The following REPIN1 variants were observed in gnomAD, a reference collection of about 807,000 sequenced individuals.
REPIN1 encodes replication initiator 1.
In REPIN1, 4 loss-of-function variants were observed where a neutral mutation model predicts 5.7. The ratio of observed to expected loss-of-function variants is 0.71; its 90% CI spans 0.35 to 1.62. The LOEUF (loss-of-function observed/expected upper bound fraction) is 1.62, where lower values mean the gene tolerates loss of function less well. Ranked by LOEUF, REPIN1 falls within the 40% of genes most tolerant of loss-of-function variation. The pLI is 0.05. For missense variants in REPIN1, 854 were observed against 901.0 expected, an observed-to-expected ratio of 0.95 and a Z score of 0.67; for synonymous variants, 410 against 386.2, an observed-to-expected ratio of 1.06 and a Z score of -0.72.
At position 150,370,976 on chromosome 7, in the gene REPIN1, G is replaced by A. The variant is rs1799637014; in HGVS notation, c.158-252G>A. 4.7e-6 allele frequency: 3 copies of A among 644,668 alleles called. No individual in the cohort carries two copies. The East Asian group carries it at 8.2e-5, about 18-fold the overall frequency. The allele number at this position is 644,668 out of a possible 1,614,324, so 39.9% of individuals were successfully genotyped here. On this transcript the variant is annotated intron_variant, in intron 2 of 2. Transcript: ENST00000489432. ...GGTAGCTGCCATGAGGGGGATTCTA[G>A]TATCAGAGTCCCTCCCTTCTGGAAG...
In REPIN1 at chr7:150,372,204, C is replaced by G. The variant is rs1330798727; in HGVS notation, c.1134C>G (p.Ala378=). The G allele has an allele frequency of 1.3e-6, 2 of 1,591,524 alleles. No homozygotes were observed. Among genetic ancestry groups the G allele is most frequent in the Non-Finnish European group, 1.7e-6 (2 of 1,172,638 alleles). Residue 378 remains alanine, a synonymous_variant, in exon 3 of 3, where the codon GCC becomes GCG. Coordinates refer to ENST00000489432, the MANE Select transcript of REPIN1 (RefSeq NM_001099695.2). ...SKIHKRSEGS[A]QAAPGPGSPQ... is the part of the protein sequence containing the mutation. ...TTCACAAGCGATCCGAGGGGTCGGCCCAGGCCGCCCCCGGCCCGGGGAGCC... is the reference window on the plus strand; with the variant it reads ...TTCACAAGCGATCCGAGGGGTCGGCGCAGGCCGCCCCCGGCCCGGGGAGCC...
Position 150,371,116 on chromosome 7 carries a change from G to C in REPIN1, c.158-112G>C, listed in dbSNP as rs1302700843. 16 of 1,231,092 alleles carry C rather than the reference G, an allele frequency of 1.3e-5. No homozygotes were observed. In the South Asian group the frequency reaches 1.7e-4, roughly 13 times the overall value. The allele number at this position is 1,231,092 out of a possible 1,614,324, so 76.3% of individuals were successfully genotyped here. A position where few individuals can be genotyped will look rare whatever the true frequency, so the allele number is the denominator to read the frequency against. On this transcript the variant is annotated intron_variant, in intron 2 of 2. Coordinates refer to ENST00000489432, the MANE Select transcript of REPIN1 (RefSeq NM_001099695.2). ...AGGAGAGTAGTCTAGCTCCATGTCCGGGGCTCTAGGGGTTCATAGATGGCA... is the reference window on the plus strand; with the variant it reads ...AGGAGAGTAGTCTAGCTCCATGTCCCGGGCTCTAGGGGTTCATAGATGGCA...
In REPIN1 at chr7:150,371,699, G is replaced by C; in HGVS notation, c.629G>C (p.Arg210Pro). The change falls in exon 3 of 3, where the codon CGC becomes CCC. Residue 210 changes from arginine to proline, a missense_variant. Arg to Pro is a moderately radical substitution (Grantham distance 103). This residue lies in a region of REPIN1 where 409 missense variants were observed against 418.6 expected (regional missense o/e 0.98). Coordinates refer to ENST00000489432, the MANE Select transcript of REPIN1 (RefSeq NM_001099695.2). ...RPIACPKCER[R>P]FWRRKQLRAH... ...ATCGCTTGTCCCAAATGCGAGAGAC[G>C]CTTCTGGCGACGAAAGCAGCTTCGA... 1.2e-6 allele frequency: 2 copies of C among 1,606,632 alleles called. No homozygotes were observed. The highest frequency in any genetic ancestry group is 1.3e-5 in the African/African-American group (1 of 75,060).
rs189450640 is a variant in REPIN1, at chr7:150,370,764, C to T, written c.158-464C>T. 121 of 702,516 alleles carry T rather than the reference C, an allele frequency of 1.7e-4. No homozygotes were observed. The African/African-American group carries it at 1.8e-3, about 11-fold the overall frequency. The allele number at this position is 702,516 out of a possible 1,614,324, so 43.5% of individuals were successfully genotyped here. Reference sequence around the variant, plus strand: ...GTTGCTTCATCTGTTAAACAGGGAGCTCAGTGTCTGTTTGTCCAGCTTCTC... The same window carrying T: ...GTTGCTTCATCTGTTAAACAGGGAGTTCAGTGTCTGTTTGTCCAGCTTCTC... On this transcript the variant is annotated intron_variant, in intron 2 of 2. Coordinates refer to ENST00000489432, the MANE Select transcript of REPIN1 (RefSeq NM_001099695.2).
chr7:150,372,015 C>T lies in REPIN1; in HGVS notation c.945C>T (p.His315=). The T allele has an allele frequency of 2.5e-6, 4 of 1,612,052 alleles. No individual in the cohort carries two copies. Among genetic ancestry groups the T allele is most frequent in the Non-Finnish European group, 3.4e-6 (4 of 1,179,702 alleles). The change falls in exon 3 of 3, where the codon CAC becomes CAT. Residue 315 remains histidine, a synonymous_variant. Coordinates refer to ENST00000489432, the MANE Select transcript of REPIN1 (RefSeq NM_001099695.2). ...ACTTGATCGCTCACCGCCGCGTGCA[C>T]ACGGGCGAGCGGCCCCACCAGTGCC... ...KPNLIAHRRV[H]TGERPHQCPE... is the part of the protein sequence containing the mutation.
At chr7:150,370,613 C>T in intron 2 of REPIN1, 4 of 633,154 alleles carry the variant, frequency 6.3e-6, no homozygotes, top group Non-Finnish European at 1.1e-5. Context: ...GAGATCTTTG[C>T]AAACCCAGGC....
chr7:150,368,755 C>T (rs958991443), upstream of REPIN1: 2 of 279,476 alleles, frequency 7.2e-6, no homozygotes, highest in Admixed American at 1.0e-4. Flanking sequence ...GGCGACTGAC[C>T]CTCGGCAGCT....
chr7:150,370,960 C>A, intron 2 of REPIN1: 1 of 657,610 alleles, frequency 1.5e-6, no homozygotes, highest in South Asian at 1.6e-5. Context: ...GGGTAGCTGC[C>A]ATGAGGGGGA....
In REPIN1 at chr7:150,372,443, G is replaced by T; in HGVS notation, c.1373G>T (p.Arg458Leu). 2 of 1,519,534 alleles carry T rather than the reference G, an allele frequency of 1.3e-6. No homozygotes were observed. Among genetic ancestry groups the T allele is most frequent in the Non-Finnish European group, 1.8e-6 (2 of 1,140,774 alleles). 94.1% of individuals were successfully genotyped at this position (1,519,534 alleles called of 1,614,324 possible). Residue 458 changes from arginine (R) to leucine (L), a missense_variant, in exon 3 of 3, where the codon CGG (arginine) becomes CTG (leucine). Physicochemically the swap from Arg to Leu is moderately radical, Grantham distance 102 (BLOSUM62 -2). Transcript: ENST00000489432. Reference sequence around the variant, plus strand: ...CACCAGCGGCAGCACACCGGGGAGCGGCCCTTCACCTGCGCCGAGTGCGGG... The same window carrying T: ...CACCAGCGGCAGCACACCGGGGAGCTGCCCTTCACCTGCGCCGAGTGCGGG... ...RAHQRQHTGE[R>L]PFTCAECGKN...
intron 1 of REPIN1, chr7:150,369,410 G>T: frequency 2.1e-6 from 1 of 471,310 alleles, no homozygotes; most frequent in South Asian, 2.2e-5. Flanking sequence ...CCAGACTCTG[G>T]CCACAGAATG....
At position 150,373,099 on chromosome 7, in the gene REPIN1, G is replaced by C; in HGVS notation, c.*154G>C. ...GCGGGGAGTGAGCTGGGTGGGCCCTGCTAGCGAGAGAGGTCAACCCCGGTG... is the reference window on the plus strand; with the variant it reads ...GCGGGGAGTGAGCTGGGTGGGCCCTCCTAGCGAGAGAGGTCAACCCCGGTG... On this transcript the variant is annotated 3_prime_UTR_variant, in exon 3 of 3. Coordinates refer to ENST00000489432, the MANE Select transcript of REPIN1 (RefSeq NM_001099695.2). 1.8e-6 allele frequency: 2 copies of C among 1,138,490 alleles called. No homozygotes were observed. Among genetic ancestry groups the C allele is most frequent in the South Asian group, 1.6e-5 (1 of 61,460 alleles). The allele number at this position is 1,138,490 out of a possible 1,614,324, so 70.5% of individuals were successfully genotyped here.
Position 150,371,493 on chromosome 7 carries a change from C to G in REPIN1, c.423C>G (p.Pro141=), listed in dbSNP as rs563404040. The change falls in exon 3 of 3, where the codon CCC becomes CCG. Residue 141 remains proline (P), a synonymous_variant. Coordinates refer to ENST00000489432, the MANE Select transcript of REPIN1 (RefSeq NM_001099695.2). The stretch of plus-strand genomic sequence containing the variant: ...CCCGCCGGTGCCAGGCCCGGCTGCC[C>G]TTGCCCTGCCCTGAGTGTGGCCGTC... ...LHTRRCQARL[P]LPCPECGRRF... 6.5e-5 allele frequency: 105 copies of G among 1,607,096 alleles called. No individual in the cohort carries two copies. Among genetic ancestry groups the G allele is most frequent in the Non-Finnish European group, 8.6e-5 (101 of 1,179,700 alleles).
intron 1 of REPIN1, chr7:150,369,429 G>T: frequency 4.1e-6 from 2 of 489,272 alleles, no homozygotes; most frequent in South Asian, 4.4e-5. Context: ...TGGAGAATTC[G>T]TTCCGTGACC....
At position 150,371,520 on chromosome 7, in the gene REPIN1, C is replaced by G. The variant is rs1799742054; in HGVS notation, c.450C>G (p.Arg150=). The G allele has an allele frequency of 1.2e-6, 2 of 1,605,796 alleles. No homozygotes were observed. Among genetic ancestry groups the G allele is most frequent in the African/African-American group, 1.3e-5 (1 of 75,044 alleles). ...TGCCCTGCCCTGAGTGTGGCCGTCGCTTTCGCCATGCCCCCTTCTTAGCAC... is the reference window on the plus strand; with the variant it reads ...TGCCCTGCCCTGAGTGTGGCCGTCGGTTTCGCCATGCCCCCTTCTTAGCAC... ...LPLPCPECGR[R]FRHAPFLALH... The change falls in exon 3 of 3, where the codon CGC becomes CGG. Residue 150 remains arginine (R), a synonymous_variant. Coordinates refer to ENST00000489432, the MANE Select transcript of REPIN1 (RefSeq NM_001099695.2).
upstream of REPIN1, chr7:150,368,402 A>G (rs1799046061): frequency 6.6e-6 from 1 of 151,636 alleles, no homozygotes; most frequent in African/African-American, 2.4e-5. Context: ...AGGCCCGGGC[A>G]ACGACGCTCC....
chr7:150,370,965 G>C (rs1482454758), intron 2 of REPIN1: 94 of 653,782 alleles, frequency 1.4e-4, no homozygotes, highest in Non-Finnish European at 8.3e-6. Flanking sequence ...GCTGCCATGA[G>C]GGGGATTCTA....
rs754298158 is a variant in REPIN1, at chr7:150,372,491, A to G, written c.1421A>G (p.His474Arg). Reference sequence around the variant, plus strand: ...GGGAAGAACTTCGGCAAGAAGACGCACCTGGTGGCGCACTCGCGCGTGCAC... The same window carrying G: ...GGGAAGAACTTCGGCAAGAAGACGCGCCTGGTGGCGCACTCGCGCGTGCAC... ...ECGKNFGKKT[H>R]LVAHSRVHSG... Residue 474 changes from histidine to arginine, a missense_variant, in exon 3 of 3, where the codon CAC becomes CGC. By Grantham distance (29) the His-to-Arg change is conservative. This residue lies in a region of REPIN1 where 327 missense variants were observed against 307.8 expected (regional missense o/e 1.06). Coordinates refer to ENST00000489432, the MANE Select transcript of REPIN1 (RefSeq NM_001099695.2). The G allele has an allele frequency of 6.5e-6, 10 of 1,546,416 alleles. No homozygotes were observed. Among genetic ancestry groups the G allele is most frequent in the Non-Finnish European group, 8.7e-6 (10 of 1,152,082 alleles).
Position 150,373,809 on chromosome 7 carries a change from A to C in REPIN1, c.*864A>C, listed in dbSNP as rs1433911174. 1 of 167,050 alleles carries C rather than the reference A, an allele frequency of 6.0e-6. No individual in the cohort carries two copies. The highest frequency in any genetic ancestry group is 1.9e-4 in the East Asian group (1 of 5,202). 10.3% of individuals were successfully genotyped at this position (167,050 alleles called of 1,614,324 possible). On this transcript the variant is annotated 3_prime_UTR_variant, in exon 3 of 3. Transcript: ENST00000489432. ...CCTTTTCTCCATTTCTAGCATATGG[A>C]CACCTGGCCTCTGCTTGAGCACTTA... is the stretch of plus-strand genomic sequence containing the variant.
chr7:150,371,909 C>T lies in REPIN1; in HGVS notation c.839C>T (p.Thr280Ile). 1 of 1,607,846 alleles carries T rather than the reference C, an allele frequency of 6.2e-7. No homozygotes were observed. The highest frequency in any genetic ancestry group is 8.5e-7 in the Non-Finnish European group (1 of 1,178,506). ...CGGCCCAGGGGCCGCCCCGCGGTGA[C>T]CGCCCCCCGGCCCGGTGGAGATGCC... The part of the protein sequence containing the change: ...GPRPRGRPAV[T>I]APRPGGDAVD... The change falls in exon 3 of 3, where the codon ACC becomes ATC. Residue 280 changes from threonine to isoleucine, a missense_variant. Physicochemically the swap from Thr to Ile is moderately conservative, Grantham distance 89. Coordinates refer to ENST00000489432, the MANE Select transcript of REPIN1 (RefSeq NM_001099695.2).
Sources: gnomAD v4.1 joint callset for allele counts on GRCh38, gnomAD v4.1.1 for gene constraint, gnomAD v4.1.1 regional missense constraint, MANE v1.5 for transcripts, NCBI Gene and HGNC (gene_info 2026-07-23, HGNC 2026-07-21) for gene names.